The following SLC16A10 variants were observed in gnomAD, a reference collection of about 807,000 sequenced individuals.
The protein encoded by SLC16A10 is solute carrier family 16 member 10.
In SLC16A10, 27 loss-of-function variants were observed where a neutral mutation model predicts 40.0. The ratio of observed to expected loss-of-function variants is 0.67; its 90% confidence interval spans 0.50 to 0.93. The LOEUF (loss-of-function observed/expected upper bound fraction) is 0.93. Among genes scored for constraint, SLC16A10 ranks in the 40% least tolerant of loss-of-function variants. The pLI, the probability that SLC16A10 is intolerant of heterozygous loss-of-function variation, is 0.00. For missense variants in SLC16A10, 529 were observed against 658.2 expected, an observed-to-expected ratio of 0.80 and a Z score of 2.15; for synonymous variants, 213 against 249.8, an observed-to-expected ratio of 0.85 and a Z score of 1.39.
chr6:111,173,465 A>C (rs556323883), intron 2 of SLC16A10: 35 of 152,420 alleles, frequency 2.3e-4, no homozygotes, highest in Middle Eastern at 3.4e-3. Flanking sequence ...CCTGTGCCAC[A>C]GACTGGTACG....
chr6:111,151,445 C>A (rs758449403), intron 1 of SLC16A10, among the ~76,000 whole-genome samples: 1 of 152,184 alleles, frequency 6.6e-6, no homozygotes, highest in Non-Finnish European at 1.5e-5. Context: ...CTGTTGATTT[C>A]ATCACTCACA....
chr6:111,172,577 C>A (rs1772604963), intron 1 of SLC16A10, 118 bp from the exon 2 acceptor site: 1 of 1,211,378 alleles, frequency 8.3e-7, no homozygotes, highest in Non-Finnish European at 1.1e-6. Context: ...TAAGCTTAGG[C>A]ACTATACTCA....
At chr6:111,174,756 G>A (rs1216114921) in intron 2 of SLC16A10, among the ~76,000 whole-genome samples, 1 of 152,138 alleles carries the variant, frequency 6.6e-6, no homozygotes, top group Non-Finnish European at 1.5e-5. Flanking sequence ...AACTCTAGTT[G>A]TGGTAGAGAG....
intron 1 of SLC16A10, among the ~76,000 whole-genome samples, chr6:111,134,558 A>AC (rs1771842653): frequency 1.4e-5 from 2 of 145,312 alleles, no homozygotes; most frequent in Non-Finnish European, 3.0e-5. Flanking sequence ...CAAATGGGAT[A>AC]AAAAAAAAAA....
In SLC16A10 at chr6:111,089,116, C is replaced by G. The variant is rs977493036; in HGVS notation, c.343+1021C>G. ...TATGATTAATAGTCTTTTTTTTTAA[C>G]CTTGATTTTCTATTATTTTTAGAGT... On this transcript the variant is annotated intron_variant, in intron 1 of 5. Transcript: ENST00000368851. Among the ~76,000 whole-genome samples, 3 of 151,624 alleles carry G rather than the reference C, an allele frequency of 2.0e-5. No homozygotes were observed. The East Asian group carries it at 5.8e-4, about 29-fold the overall frequency.
chr6:111,212,131 G>C (rs918359697), intron 4 of SLC16A10, among the ~76,000 whole-genome samples: 1 of 152,090 alleles, frequency 6.6e-6, no homozygotes, highest in Non-Finnish European at 1.5e-5. Flanking sequence ...AGTCTAGGAG[G>C]CTGCCGAGCC....
chr6:111,175,447 T>C (rs1192059750), intron 2 of SLC16A10, among the ~76,000 whole-genome samples: 1 of 152,186 alleles, frequency 6.6e-6, no homozygotes, highest in Non-Finnish European at 1.5e-5. Flanking sequence ...GATTCTGCTG[T>C]GAACAGTATT....
Position 111,092,384 on chromosome 6 carries a change from A to G in SLC16A10, c.343+4289A>G, listed in dbSNP as rs568272937. On this transcript the variant is annotated intron_variant, in intron 1 of 5. Coordinates refer to ENST00000368851, the MANE Select transcript of SLC16A10 (RefSeq NM_018593.5). ...GCCCAGGCTGGAGTGCAGTGGCACC[A>G]TCTCGGCTCACTGCAACCACTGCCT... 8.8e-3 allele frequency among the ~76,000 whole-genome samples: 1,169 copies of G among 132,796 alleles called. 3 individuals carry two copies. Among genetic ancestry groups the G allele is most frequent in the South Asian group, 0.014 (61 of 4,304 alleles). 87.1% of individuals were successfully genotyped at this position (132,796 alleles called of 152,430 possible).
chr6:111,142,374 A>G (rs1583324888), intron 1 of SLC16A10, among the ~76,000 whole-genome samples: 1 of 152,354 alleles, frequency 6.6e-6, no homozygotes, highest in East Asian at 1.9e-4. Flanking sequence ...CACAAAATGG[A>G]TCATCAACCT....
intron 1 of SLC16A10, among the ~76,000 whole-genome samples, chr6:111,143,327 C>T (rs556187699): frequency 3.3e-5 from 5 of 152,100 alleles, no homozygotes; most frequent in Admixed American, 6.6e-5. Flanking sequence ...CTTCCTGCCT[C>T]AGCCTCCCGA....
At chr6:111,211,624 T>C (rs1230968131) in intron 4 of SLC16A10, among the ~76,000 whole-genome samples, 1 of 152,194 alleles carries the variant, frequency 6.6e-6, no homozygotes, top group African/African-American at 2.4e-5. Flanking sequence ...GTGTGTCCTG[T>C]GGTTGCGAGG....
chr6:111,127,705 C>G (rs991351752), intron 1 of SLC16A10, among the ~76,000 whole-genome samples: 8 of 152,174 alleles, frequency 5.3e-5, no homozygotes, highest in Non-Finnish European at 1.2e-4. Flanking sequence ...CGTATTTTTG[C>G]AGCAGTCATC....
intron 1 of SLC16A10, 97 bp from the exon 2 acceptor site, chr6:111,172,598 A>C: frequency 6.9e-7 from 1 of 1,441,496 alleles, no homozygotes; most frequent in African/African-American, 1.4e-5. Context: ...AAAAAACTAA[A>C]AATAAAATTT....
At chr6:111,206,965 A>G (rs943159252) in intron 4 of SLC16A10, among the ~76,000 whole-genome samples, 3 of 152,160 alleles carry the variant, frequency 2.0e-5, no homozygotes, top group African/African-American at 4.8e-5. Context: ...GGTAGCTGGG[A>G]TTACAGGCGT....
chr6:111,142,203 A>G lies in SLC16A10; in HGVS notation c.344-30492A>G, dbSNP rs529425876. 9.8e-5 allele frequency among the ~76,000 whole-genome samples: 15 copies of G among 152,354 alleles called. No homozygotes were observed. In the East Asian group the frequency reaches 2.9e-3, roughly 29 times the overall value. ...ATCGATGGAACAGAATAGAGAGCCCAGAAATAGACCCAGACAAATACAGTT... is the reference window on the plus strand; with the variant it reads ...ATCGATGGAACAGAATAGAGAGCCCGGAAATAGACCCAGACAAATACAGTT... On this transcript the variant is annotated intron_variant, in intron 1 of 5. Transcript: ENST00000368851.
chr6:111,205,428 T>A (rs1384193230), intron 3 of SLC16A10, among the ~76,000 whole-genome samples: 1 of 152,176 alleles, frequency 6.6e-6, no homozygotes. Context: ...ACTGGCTATC[T>A]ATGGCCCACA....
chr6:111,111,159 A>G (rs1309488812), intron 1 of SLC16A10, among the ~76,000 whole-genome samples: 2 of 152,188 alleles, frequency 1.3e-5, no homozygotes, highest in African/African-American at 2.4e-5. Flanking sequence ...TGGTAAATTT[A>G]CCAAAAGGGC....
chr6:111,141,086 C>T (rs1771974437), intron 1 of SLC16A10, among the ~76,000 whole-genome samples: 1 of 152,188 alleles, frequency 6.6e-6, no homozygotes, highest in Admixed American at 6.5e-5. Flanking sequence ...CCACTATACC[C>T]ACCCAACATA....
chr6:111,204,321 G>T (rs894042410), intron 3 of SLC16A10, among the ~76,000 whole-genome samples: 3 of 152,148 alleles, frequency 2.0e-5, no homozygotes, highest in African/African-American at 7.2e-5. Flanking sequence ...TAACAGTAGT[G>T]TATTAACTGA....
Sources: allele counts gnomAD v4.1 joint callset (sites outside exome capture counted in the v4.1 genomes callset), GRCh38; gene constraint gnomAD v4.1.1; transcripts MANE v1.5; gene names NCBI Gene and HGNC (gene_info 2026-07-23, HGNC 2026-07-21).